Variants in PGAP6 observed in about 807,000 individuals in gnomAD.
The protein encoded by PGAP6 is post-GPI attachment to proteins factor 6.
In PGAP6, 62 loss-of-function variants were observed where a neutral mutation model predicts 68.4. That is an observed-to-expected ratio of 0.91 (90% CI 0.74 to 1.12). The LOEUF (loss-of-function observed/expected upper bound fraction) is 1.12. Among genes scored for constraint, PGAP6 ranks in the 50% most tolerant of loss-of-function variants. The pLI is 0.00. For missense variants in PGAP6, 1,188 were observed against 1,068.5 expected (o/e 1.11, Z -1.56); for synonymous variants, 575 against 474.0 (o/e 1.21, Z -2.77).
chr16:374,128 G>T lies in PGAP6; in HGVS notation c.1779C>A (p.Pro593=). Residue 593 remains proline (P), a synonymous_variant, in exon 11 of 13, where the codon CCC becomes CCA. Coordinates refer to ENST00000431232, the MANE Select transcript of PGAP6 (RefSeq NM_021259.3). ...TGAGGATGCACAGCACCGCCTCCCC[G>T]GGCTGGTCGCAGGCGTGGTAGAACT... ...FSTFYHACDQ[P]GEAVLCILSY... 1 of 1,611,130 alleles carries T rather than the reference G, an allele frequency of 6.2e-7. No individual in the cohort carries two copies.
chr16:379,324 T>C (rs2054419117), intron 1 of PGAP6, among the ~76,000 whole-genome samples: 1 of 152,152 alleles, frequency 6.6e-6, no homozygotes, highest in Non-Finnish European at 1.5e-5. Context: ...GAAGAAACGA[T>C]ACACCTGCCA....
Position 376,622 on chromosome 16 carries a change from G to T in PGAP6, c.826C>A (p.Arg276=). 6.3e-7 allele frequency: 1 copy of T among 1,598,682 alleles called. No individual in the cohort carries two copies. Among genetic ancestry groups the T allele is most frequent in the Non-Finnish European group, 8.5e-7 (1 of 1,172,014 alleles). Residue 276 remains arginine (R), a synonymous_variant, in exon 5 of 13, where the codon CGG becomes AGG. Coordinates refer to ENST00000431232, the MANE Select transcript of PGAP6 (RefSeq NM_021259.3). ...RLLLPSPPWD[R]WLQVTAESLV... ...CTCTCAGCTGTCACTTGCAGCCACC[G>T]GTCCCAGGGCGGTGAGGGCAGCAGC...
intron 1 of PGAP6, among the ~76,000 whole-genome samples, chr16:378,335 CTGCCATCGCCACTCTG>C (rs1406492520): frequency 2.1e-5 from 3 of 144,402 alleles, no homozygotes; most frequent in South Asian, 2.3e-4. Context: ...GCCACCCGCA[CTGCCATCGCCACTCTG>C]ACTGCCATCC....
At chr16:373,111 C>T (rs546489135) in intron 11 of PGAP6, among the ~76,000 whole-genome samples, 33 of 152,282 alleles carry the variant, frequency 2.2e-4, no homozygotes, top group African/African-American at 6.7e-4. Flanking sequence ...GGGGCTCCCA[C>T]CCCCCAGTCT....
rs371506638 is a variant in PGAP6, at chr16:374,742, G to T, written c.1576+14C>A. On this transcript the variant is annotated intron_variant, in intron 9 of 12. Coordinates refer to ENST00000431232, the MANE Select transcript of PGAP6 (RefSeq NM_021259.3). ...GCAGCAGCGTCTCGGGGCGGGCGGG[G>T]CCCTGGCACTCACCTGCCTTGCAGC... 4 of 1,611,972 alleles carry T rather than the reference G, an allele frequency of 2.5e-6. No homozygotes were observed. Among genetic ancestry groups the T allele is most frequent in the African/African-American group, 1.3e-5 (1 of 74,920 alleles).
intron 11 of PGAP6, among the ~76,000 whole-genome samples, chr16:373,360 C>G (rs566167399): frequency 6.6e-6 from 1 of 152,214 alleles, no homozygotes; most frequent in Non-Finnish European, 1.5e-5. Flanking sequence ...CCAGCTGCCA[C>G]AGAGAGTCCC....
intron 6 of PGAP6, among the ~76,000 whole-genome samples, chr16:375,732 G>A (rs1343097497): frequency 4.6e-5 from 7 of 151,836 alleles, no homozygotes; most frequent in South Asian, 2.1e-4. Context: ...GGGTTTCACC[G>A]TGTTAGCCAG....
chr16:377,388 A>G lies in PGAP6; in HGVS notation c.497T>C (p.Ile166Thr). 1.3e-6 allele frequency: 2 copies of G among 1,595,698 alleles called. No homozygotes were observed. The highest frequency in any genetic ancestry group is 1.7e-6 in the Non-Finnish European group (2 of 1,170,010). The change falls in exon 3 of 13, where the codon ATC (isoleucine) becomes ACC (threonine). Residue 166 changes from isoleucine to threonine, a missense_variant. Physicochemically the swap from Ile to Thr is moderately conservative, Grantham distance 89. Coordinates refer to ENST00000431232, the MANE Select transcript of PGAP6 (RefSeq NM_021259.3). ...AAHLPPSSQK[I>T]ELKGLAPTCA... ...GGCAGCCCCCCTCACCTTCAACTCG[A>G]TCTTCTGGGATGAGGGGGGCAGGTG...
intron 1 of PGAP6, among the ~76,000 whole-genome samples, chr16:381,400 C>G (rs376393059): frequency 6.6e-6 from 1 of 152,132 alleles, no homozygotes; most frequent in African/African-American, 2.4e-5. Flanking sequence ...TCCACTTCCC[C>G]GCGCCGGGCG....
At position 374,157 on chromosome 16, in the gene PGAP6, G is replaced by A. The variant is rs756888700; in HGVS notation, c.1756-6C>T. 1 of 1,610,726 alleles carries A rather than the reference G, an allele frequency of 6.2e-7. No homozygotes were observed. Among genetic ancestry groups the A allele is most frequent in the African/African-American group, 1.3e-5 (1 of 74,916 alleles). On this transcript the variant is annotated splice_region_variant and splice_polypyrimidine_tract_variant and intron_variant, in intron 10 of 12. Transcript: ENST00000431232. Reference sequence around the variant, plus strand: ...TGGTCGCAGGCGTGGTAGAACTGTGGGGAGGCTCCATGAGCGCGGTCCTGC... The same window carrying A: ...TGGTCGCAGGCGTGGTAGAACTGTGAGGAGGCTCCATGAGCGCGGTCCTGC...
At chr16:380,087 G>A (rs527400674) in intron 1 of PGAP6, among the ~76,000 whole-genome samples, 91 of 152,290 alleles carry the variant, frequency 6.0e-4, no homozygotes, top group African/African-American at 2.1e-3. Flanking sequence ...TCGGCAGGCT[G>A]GGAGGAGTGA....
At chr16:374,686 G>A (rs1315714154) in intron 9 of PGAP6, 70 bp downstream of exon 9, 2 of 1,587,670 alleles carry the variant, frequency 1.3e-6, no homozygotes, top group Admixed American at 3.5e-5. Flanking sequence ...TCCCCCAGGG[G>A]AAAGGCACAG....
At position 377,891 on chromosome 16, in the gene PGAP6, C is replaced by T. The variant is rs761707577; in HGVS notation, c.122-43G>A. On this transcript the variant is annotated intron_variant, in intron 1 of 12. Transcript: ENST00000431232. Reference sequence around the variant, plus strand: ...TGTCAGCCAGGCCGGGACCCTCCTCCAGGGCCGCAGATGGGGAGGACGAGT... The same window carrying T: ...TGTCAGCCAGGCCGGGACCCTCCTCTAGGGCCGCAGATGGGGAGGACGAGT... The T allele has an allele frequency of 1.5e-5, 23 of 1,498,628 alleles. No homozygotes were observed. The African/African-American group carries it at 2.8e-4, about 18-fold the overall frequency. The allele number at this position is 1,498,628 out of a possible 1,614,324, so 92.8% of individuals were successfully genotyped here. A position where few individuals can be genotyped will look rare whatever the true frequency, so the allele number is the denominator to read the frequency against.
At chr16:374,495 C>T (rs1320833715) in intron 9 of PGAP6, 96 bp from the exon 10 acceptor site, 2 of 1,358,414 alleles carry the variant, frequency 1.5e-6, no homozygotes, top group Non-Finnish European at 1.9e-6. Flanking sequence ...CCCTTCCTCA[C>T]CCAGGAGCAA....
At chr16:380,078 C>T (rs1176290999) in intron 1 of PGAP6, among the ~76,000 whole-genome samples, 1 of 152,202 alleles carries the variant, frequency 6.6e-6, no homozygotes, top group African/African-American at 2.4e-5. Flanking sequence ...ACTTACTCCT[C>T]GGCAGGCTGG....
intron 1 of PGAP6, among the ~76,000 whole-genome samples, chr16:378,648 G>A (rs556629273): frequency 8.5e-5 from 13 of 152,292 alleles, no homozygotes; most frequent in African/African-American, 2.9e-4. Context: ...ATCAAGGCAC[G>A]GTCCTCCCAC....
chr16:385,618 A>ATTT (rs71139779), upstream of PGAP6, among the ~76,000 whole-genome samples: 109 of 77,012 alleles, frequency 1.4e-3, 15 homozygotes, highest in African/African-American at 4.1e-3. Context: ...GCCTACTCTG[A>ATTT]TTTTTTTTTT....
chr16:379,904 T>G (rs2054423313), intron 1 of PGAP6, among the ~76,000 whole-genome samples: 1 of 152,178 alleles, frequency 6.6e-6, no homozygotes, highest in Non-Finnish European at 1.5e-5. Flanking sequence ...CACAGCCCCC[T>G]GCCTGCCCCA....
rs367860854 is a variant in PGAP6 at position 375,252 on chromosome 16, G to A, written c.1320C>T (p.Phe440=). The change falls in exon 8 of 13, where the codon TTC becomes TTT. Residue 440 remains phenylalanine, a synonymous_variant. Coordinates refer to ENST00000431232, the MANE Select transcript of PGAP6 (RefSeq NM_021259.3). ...FNTSLNCTTA[F]FQGYPLSLSA... ...TCAGAGACAAAGGGTAGCCCTGGAAGAAGGCTGCAGGGGAGCCAGAGGGCC... is the reference window on the plus strand; with the variant it reads ...TCAGAGACAAAGGGTAGCCCTGGAAAAAGGCTGCAGGGGAGCCAGAGGGCC... 1.1e-5 allele frequency: 17 copies of A among 1,612,928 alleles called. No individual in the cohort carries two copies. The highest frequency in any genetic ancestry group is 1.4e-5 in the Non-Finnish European group (17 of 1,179,964).
Sources: allele counts gnomAD v4.1 joint callset (sites outside exome capture counted in the v4.1 genomes callset), GRCh38; gene constraint gnomAD v4.1.1; transcripts MANE v1.5; gene names NCBI Gene and HGNC (gene_info 2026-07-23, HGNC 2026-07-21).